SERF2: variants seen among roughly 807,000 people sequenced by gnomAD.
SERF2 encodes the protein gastric cancer-related protein VRG107.
A neutral mutation model predicts 10.7 loss-of-function variants in SERF2; 4 were observed. The observed-to-expected ratio is 0.37, with a 90% confidence interval of 0.18 to 0.86. The LOEUF (loss-of-function observed/expected upper bound fraction) is 0.86. SERF2 is among the 40% of genes least tolerant of loss of function. SERF2 has a pLI of 0.43. For synonymous variants in SERF2, 26 were observed against 26.0 expected (o/e 1.00, Z 0.01); for missense variants, 47 against 79.1 (o/e 0.59, Z 1.54).
chr15:43,791,687 C>A (rs901620631), upstream of SERF2, among the ~76,000 whole-genome samples: 2 of 152,236 alleles, frequency 1.3e-5, no homozygotes, highest in Non-Finnish European at 2.9e-5. Flanking sequence ...TACTTCCAAG[C>A]TGCATGTTCA....
Position 43,794,990 on chromosome 15 carries a change from T to G in SERF2, c.*1217T>G. 1 of 1,599,612 alleles carries G rather than the reference T, an allele frequency of 6.3e-7. No individual in the cohort carries two copies. The highest frequency in any genetic ancestry group is 1.1e-5 in the South Asian group (1 of 90,320). ...ACAATGTCAGGGGAACCCCAGTTTG[T>G]GAAAAGGACTTAGACTGGAGGATAT... On this transcript the variant is annotated 3_prime_UTR_variant, in exon 3 of 3. Transcript: ENST00000249786.
chr15:43,795,040 T>C lies in SERF2; in HGVS notation c.*1267T>C. On this transcript the variant is annotated 3_prime_UTR_variant, in exon 3 of 3. Coordinates refer to ENST00000249786, the MANE Select transcript of SERF2 (RefSeq NM_001018108.4). ...TTTGTTATCTGGGGATATGATGCGG[T>C]GGCGGCGGCGCCTCAAGATAAGGGG... 3 of 1,601,156 alleles carry C rather than the reference T, an allele frequency of 1.9e-6. No homozygotes were observed. Among genetic ancestry groups the C allele is most frequent in the Non-Finnish European group, 2.6e-6 (3 of 1,172,612 alleles).
chr15:43,792,732 G>T, intron 1 of SERF2: 1 of 874,302 alleles, frequency 1.1e-6, no homozygotes, highest in Non-Finnish European at 1.7e-6. Flanking sequence ...GCCCCACGCC[G>T]CCCCAAAACA....
chr15:43,792,342 C>A lies in SERF2; in HGVS notation c.-35C>A, dbSNP rs550620788. On this transcript the variant is annotated 5_prime_UTR_variant, in exon 1 of 3. Coordinates refer to ENST00000249786, the MANE Select transcript of SERF2 (RefSeq NM_001018108.4). ...TGCAACGTCCGACAGAACGAGGGGA[C>A]GTAACGGAGGCAGGTTGGAGCCGCT... 4 of 1,538,382 alleles carry A rather than the reference C, an allele frequency of 2.6e-6. No individual in the cohort carries two copies. The highest frequency in any genetic ancestry group is 3.6e-6 in the Non-Finnish European group (4 of 1,111,158).
In SERF2 at chr15:43,795,035, T is replaced by TGCGGTG. The variant is rs777667165; in HGVS notation, c.*1267_*1272dup. 2 of 1,610,868 alleles carry TGCGGTG rather than the reference T, an allele frequency of 1.2e-6. No individual in the cohort carries two copies. The highest frequency in any genetic ancestry group is 1.7e-6 in the Non-Finnish European group (2 of 1,179,154). ...GGATATTTGTTATCTGGGGATATGA[T>TGCGGTG]GCGGTGGCGGCGGCGCCTCAAGATA... On this transcript the variant is annotated 3_prime_UTR_variant, in exon 3 of 3. Coordinates refer to ENST00000249786, the MANE Select transcript of SERF2 (RefSeq NM_001018108.4).
At chr15:43,777,572 T>G in intron 1 of SERF2, 1 of 176,994 alleles carries the variant, frequency 5.6e-6, no homozygotes, top group Non-Finnish European at 1.2e-5. Flanking sequence ...CGCCCCCAGT[T>G]GGTGGGCAGG....
At chr15:43,789,733 C>T (rs1287914641), upstream of SERF2, among the ~76,000 whole-genome samples, 1 of 152,048 alleles carries the variant, frequency 6.6e-6, no homozygotes, top group East Asian at 1.9e-4. Context: ...ATAGGCTGGG[C>T]ATGGTGGTTC....
upstream of SERF2, among the ~76,000 whole-genome samples, chr15:43,787,609 G>T (rs994159853): frequency 1.3e-5 from 2 of 151,888 alleles, no homozygotes; most frequent in Non-Finnish European, 2.9e-5. Flanking sequence ...TGTTGGTCAG[G>T]CTGGTCTTGA....
At chr15:43,779,226 T>G (rs991823164) in intron 1 of SERF2, among the ~76,000 whole-genome samples, 6 of 151,998 alleles carry the variant, frequency 3.9e-5, no homozygotes, top group African/African-American at 1.5e-4. Flanking sequence ...AGTCTGAAAA[T>G]TTTTTTCTGA....
chr15:43,794,228 A>C lies in SERF2; in HGVS notation c.*455A>C, dbSNP rs182940932. ...AACCAAACAAGTACTCCGGATATGC[A>C]GTAGAGGAATCCTCTAAGAACCATA... is the stretch of plus-strand genomic sequence containing the variant. On this transcript the variant is annotated 3_prime_UTR_variant, in exon 3 of 3. Coordinates refer to ENST00000249786, the MANE Select transcript of SERF2 (RefSeq NM_001018108.4). 239 of 465,700 alleles carry C rather than the reference A, an allele frequency of 5.1e-4. 1 individual carries two copies. Among genetic ancestry groups the C allele is most frequent in the South Asian group, 3.3e-3 (88 of 26,464 alleles). 28.8% of individuals were successfully genotyped at this position (465,700 alleles called of 1,614,324 possible).
chr15:43,779,455 A>C lies in SERF2; in HGVS notation c.-527+1953A>C, dbSNP rs556368418. On this transcript the variant is annotated intron_variant, in intron 1 of 4. Coordinates refer to the SERF2 transcript ENST00000381359. ...GGCCTACAGATCATACAATTCAGGG[A>C]ATCTGTGAACTTGGAAGGGAAAAAA... 5.9e-5 allele frequency among the ~76,000 whole-genome samples: 9 copies of C among 152,280 alleles called. No homozygotes were observed. The South Asian group carries it at 1.9e-3, about 32-fold the overall frequency.
chr15:43,784,305 T>C (rs60883262), intron 1 of SERF2, among the ~76,000 whole-genome samples: 24,503 of 152,114 alleles, frequency 0.16, 2,595 homozygotes, highest in African/African-American at 0.29. Flanking sequence ...GCCATTCTGA[T>C]TCTTCATCCT....
intron 2 of SERF2, chr15:43,793,413 T>C: frequency 1.5e-6 from 1 of 687,088 alleles, no homozygotes; most frequent in Non-Finnish European, 2.4e-6. Context: ...TGTTCGGTTC[T>C]CCTCCCTTCT....
At chr15:43,788,173 C>T (rs1397072912), upstream of SERF2, among the ~76,000 whole-genome samples, 9 of 152,224 alleles carry the variant, frequency 5.9e-5, 1 homozygote, top group South Asian at 1.9e-3. Flanking sequence ...CCACGTTCAG[C>T]CTAATTTTTA....
chr15:43,784,078 T>G (rs916712773), intron 1 of SERF2, among the ~76,000 whole-genome samples: 1 of 151,572 alleles, frequency 6.6e-6, no homozygotes, highest in Non-Finnish European at 1.5e-5. Flanking sequence ...CCACCGCACC[T>G]GGCCACATGT....
At chr15:43,792,474 C>A (rs971848694) in intron 1 of SERF2, 91 bp downstream of exon 1, 72 of 1,607,224 alleles carry the variant, frequency 4.5e-5, no homozygotes, top group Non-Finnish European at 5.6e-5. Context: ...TCCGTAGCTT[C>A]CCTAGCAAGG....
upstream of SERF2, among the ~76,000 whole-genome samples, chr15:43,790,524 G>T (rs1392299226): frequency 6.6e-6 from 1 of 151,956 alleles, no homozygotes; most frequent in Non-Finnish European, 1.5e-5. Flanking sequence ...TGCACTTTGG[G>T]GGGCCAAGGA....
upstream of SERF2, chr15:43,792,207 C>T: frequency 3.0e-6 from 2 of 663,528 alleles, no homozygotes; most frequent in East Asian, 2.7e-5. Flanking sequence ...GGCTCAAGCA[C>T]GACCCGTGGA....
intron 2 of SERF2, 135 bp from the exon 3 acceptor site, chr15:43,793,575 G>C: frequency 6.4e-7 from 1 of 1,553,892 alleles, no homozygotes. Context: ...TGTTCTCCTA[G>C]GGTGGGAGTA....
Sources: allele counts gnomAD v4.1 joint callset (sites outside exome capture counted in the v4.1 genomes callset), GRCh38; gene constraint gnomAD v4.1.1; transcripts MANE v1.5; gene names NCBI Gene and HGNC (gene_info 2026-07-23, HGNC 2026-07-21).